The following TUSC3 variants were observed in gnomAD, a reference collection of about 807,000 sequenced individuals.
TUSC3 encodes the protein dolichyl-diphosphooligosaccharide--protein glycosyltransferase subunit TUSC3.
Under a neutral mutation model 44.8 loss-of-function variants are expected in TUSC3, and 45 were observed. The ratio of observed to expected loss-of-function variants is 1.00; its 90% confidence interval spans 0.79 to 1.29. The LOEUF (loss-of-function observed/expected upper bound fraction) is 1.29, where lower values mean the gene tolerates loss of function less well. Among genes scored for constraint, TUSC3 ranks in the 50% most tolerant of loss-of-function variants. The pLI is 0.00. For missense variants in TUSC3, 519 were observed against 437.9 expected (o/e 1.19, Z -1.65); for synonymous variants, 212 against 152.9 (o/e 1.39, Z -2.85).
At chr8:15,810,542 G>A in the TUSC3 span, among the ~76,000 whole-genome samples, 1 of 152,044 alleles carries the variant, frequency 6.6e-6, no homozygotes, top group East Asian at 1.9e-4. Context: ...GGAGGCTGAG[G>A]TGGGAGGATC....
At chr8:15,441,370 G>C (rs1429469835) in intron 1 of TUSC3, among the ~76,000 whole-genome samples, 1 of 152,182 alleles carries the variant, frequency 6.6e-6, no homozygotes, top group Non-Finnish European at 1.5e-5. Context: ...TCGCGTCACT[G>C]CACTCCAGGC....
intron 6 of TUSC3, among the ~76,000 whole-genome samples, chr8:15,682,498 T>A (rs899261877): frequency 1.3e-5 from 2 of 152,154 alleles, no homozygotes; most frequent in Non-Finnish European, 2.9e-5. Flanking sequence ...CTCTGTTTGG[T>A]TTTTCATTTG....
chr8:15,697,487 T>G (rs1809219162), intron 6 of TUSC3, among the ~76,000 whole-genome samples: 1 of 152,162 alleles, frequency 6.6e-6, no homozygotes, highest in Admixed American at 6.5e-5. Context: ...TGGCTGTCTT[T>G]GTGAGGGTGC....
At chr8:15,719,448 T>C (rs931656964) in intron 6 of TUSC3, among the ~76,000 whole-genome samples, 2 of 151,818 alleles carry the variant, frequency 1.3e-5, no homozygotes, top group Admixed American at 6.6e-5. Context: ...TACTTTTTTC[T>C]GCTTTTCCTT....
chr8:15,436,884 G>C (rs1475688653), intron 1 of TUSC3, among the ~76,000 whole-genome samples: 1 of 152,080 alleles, frequency 6.6e-6, no homozygotes, highest in Non-Finnish European at 1.5e-5. Flanking sequence ...GACTTTTAGG[G>C]CAGTGCATAT....
At chr8:15,609,765 T>A (rs1188909142) in intron 1 of TUSC3, among the ~76,000 whole-genome samples, 3 of 148,852 alleles carry the variant, frequency 2.0e-5, no homozygotes, top group Non-Finnish European at 3.0e-5. Context: ...AAAAAAAACA[T>A]GTTTTCACTG....
chr8:15,483,649 A>ATTGTTTTTTTTTTTTTTTT (rs1800694498), intron 2 of TUSC3, among the ~76,000 whole-genome samples: 2 of 66,166 alleles, frequency 3.0e-5, no homozygotes, highest in Admixed American at 2.4e-4. Flanking sequence ...TAGCACTGTG[A>ATTGTTTTTTTTTTTTTTTT]TTTTTTTTTT....
the TUSC3 span, among the ~76,000 whole-genome samples, chr8:15,836,402 G>C: frequency 6.6e-6 from 1 of 151,076 alleles, no homozygotes; most frequent in Non-Finnish European, 1.5e-5. Flanking sequence ...CCTTGAATCT[G>C]GGAGGTGGAG....
downstream of TUSC3, among the ~76,000 whole-genome samples, chr8:15,769,983 A>G (rs892660530): frequency 5.3e-5 from 8 of 152,178 alleles, no homozygotes; most frequent in African/African-American, 1.9e-4. Flanking sequence ...AATTAGTTCA[A>G]CCATTGTGGA....
chr8:15,625,621 A>G (rs991130504), intron 2 of TUSC3, among the ~76,000 whole-genome samples: 1 of 152,202 alleles, frequency 6.6e-6, no homozygotes, highest in Non-Finnish European at 1.5e-5. Context: ...TCCATGTTGT[A>G]TATTCATTGT....
chr8:15,614,319 C>T (rs771207000), intron 1 of TUSC3, among the ~76,000 whole-genome samples: 3 of 152,046 alleles, frequency 2.0e-5, no homozygotes, highest in African/African-American at 4.8e-5. Context: ...CATTTCTTAA[C>T]ATGCACTCAT....
intron 6 of TUSC3, among the ~76,000 whole-genome samples, chr8:15,677,667 T>C (rs953573490): frequency 2.6e-5 from 4 of 152,200 alleles, no homozygotes; most frequent in East Asian, 3.9e-4. Context: ...AACTGGTAGA[T>C]AGCAGTGCCA....
At chr8:15,418,963 A>G (rs1449984481) in intron 1 of TUSC3, among the ~76,000 whole-genome samples, 2 of 152,166 alleles carry the variant, frequency 1.3e-5, no homozygotes, top group Non-Finnish European at 2.9e-5. Flanking sequence ...CCATGATCAA[A>G]CACTGCACTC....
In TUSC3 at chr8:15,467,761, C is replaced by T. The variant is rs569979494; in HGVS notation, n.92-15625C>T. On this transcript the variant is annotated intron_variant and non_coding_transcript_variant, in intron 1 of 5. Coordinates refer to the TUSC3 transcript ENST00000503191. ...ATATGTAATCAGTCATCTTGAATTA[C>T]GTTTGTTCTCTGTCTTTCTTTTTAT... 1.6e-4 allele frequency among the ~76,000 whole-genome samples: 25 copies of T among 152,210 alleles called. 1 individual carries two copies. Among genetic ancestry groups the T allele is most frequent in the African/African-American group, 5.3e-4 (22 of 41,564 alleles).
At chr8:15,568,116 C>T (rs544805498) in intron 1 of TUSC3, among the ~76,000 whole-genome samples, 5 of 152,076 alleles carry the variant, frequency 3.3e-5, no homozygotes, top group Admixed American at 6.6e-5. Flanking sequence ...TGAGATTTGT[C>T]CAAATGGAAC....
At chr8:15,847,502 G>A in the TUSC3 span, among the ~76,000 whole-genome samples, 2 of 152,088 alleles carry the variant, frequency 1.3e-5, no homozygotes, top group Non-Finnish European at 2.9e-5. Context: ...CTTCTTAGCA[G>A]CATTTCCTCA....
chr8:15,835,628 A>C, the TUSC3 span, among the ~76,000 whole-genome samples: 1 of 152,100 alleles, frequency 6.6e-6, no homozygotes, highest in Non-Finnish European at 1.5e-5. Flanking sequence ...TGTTGTTTTA[A>C]ATAATTATAA....
At chr8:15,583,539 T>A (rs1803467522) in intron 1 of TUSC3, among the ~76,000 whole-genome samples, 1 of 152,160 alleles carries the variant, frequency 6.6e-6, no homozygotes, top group Non-Finnish European at 1.5e-5. Flanking sequence ...TCTTTGTAGC[T>A]CCAGAGAGCA....
intron 8 of TUSC3, among the ~76,000 whole-genome samples, chr8:15,745,977 A>G (rs1282806578): frequency 6.6e-6 from 1 of 152,072 alleles, no homozygotes; most frequent in Non-Finnish European, 1.5e-5. Context: ...TCTTGTGCAT[A>G]TGGCTAGCCA....
Sources: gnomAD v4.1 joint callset for allele counts (sites outside exome capture counted in the v4.1 genomes callset) on GRCh38, gnomAD v4.1.1 for gene constraint, MANE v1.5 for transcripts, NCBI Gene and HGNC (gene_info 2026-07-23, HGNC 2026-07-21) for gene names.